Variants in GMPS observed in about 807,000 individuals in gnomAD.
GMPS encodes the protein GMP synthase [glutamine-hydrolyzing].
Under a neutral mutation model 77.9 loss-of-function variants are expected in GMPS, and 15 were observed. The ratio of observed to expected loss-of-function variants is 0.19; its 90% confidence interval spans 0.13 to 0.30. GMPS has a LOEUF of 0.30. GMPS is among the 10% of genes least tolerant of loss of function. The pLI, the probability that GMPS is intolerant of heterozygous loss-of-function variation, is 1.00. For synonymous variants in GMPS, 224 were observed against 275.9 expected, an observed-to-expected ratio of 0.81 and a Z score of 1.86; for missense variants, 590 against 838.8, an observed-to-expected ratio of 0.70 and a Z score of 3.66.
chr3:155,908,485 G>A (rs552788319), intron 5 of GMPS, among the ~76,000 whole-genome samples: 14 of 152,322 alleles, frequency 9.2e-5, no homozygotes, highest in African/African-American at 3.4e-4. Flanking sequence ...AAAAGAACCC[G>A]GTTTTTTCTA....
intron 1 of GMPS, among the ~76,000 whole-genome samples, chr3:155,880,167 T>A (rs1427994912): frequency 6.6e-6 from 1 of 152,194 alleles, no homozygotes; most frequent in East Asian, 1.9e-4. Context: ...TCACAAAGAT[T>A]TGTGTAATTA....
chr3:155,873,791 T>A (rs960931988), intron 1 of GMPS, among the ~76,000 whole-genome samples: 1 of 151,832 alleles, frequency 6.6e-6, no homozygotes, highest in Non-Finnish European at 1.5e-5. Context: ...CCCGCCACCA[T>A]GCCTAGCTAA....
At position 155,870,752 on chromosome 3, in the gene GMPS, C is replaced by A. The variant is rs1753884009; in HGVS notation, c.-119C>A. On this transcript the variant is annotated 5_prime_UTR_variant, in exon 1 of 16. Coordinates refer to ENST00000496455, the MANE Select transcript of GMPS (RefSeq NM_003875.3). ...CTGGCGGCTGGCTCCTCTCCGCTGC[C>A]GGCTGCTCCTCGACCAGGCCTCCTT... The A allele has an allele frequency of 6.0e-6, 4 of 664,202 alleles. No homozygotes were observed. The highest frequency in any genetic ancestry group is 1.0e-5 in the Non-Finnish European group (4 of 389,164). The allele number at this position is 664,202 out of a possible 1,614,324, so 41.1% of individuals were successfully genotyped here.
At chr3:155,906,017 G>T in intron 4 of GMPS, 143 bp from the exon 5 acceptor site, 1 of 461,422 alleles carries the variant, frequency 2.2e-6, no homozygotes, top group African/African-American at 2.0e-5. Flanking sequence ...CATAATATTT[G>T]AATTCTAGCA....
intron 11 of GMPS, among the ~76,000 whole-genome samples, chr3:155,923,828 TG>T (rs1755384299): frequency 6.6e-6 from 1 of 152,220 alleles, no homozygotes; most frequent in African/African-American, 2.4e-5. Flanking sequence ...AGATGGGACC[TG>T]GGCATTCCAA....
In GMPS at chr3:155,875,526, G is replaced by A. The variant is rs566292340; in HGVS notation, c.27+4629G>A. Among the ~76,000 whole-genome samples, 28 of 152,326 alleles carry A rather than the reference G, an allele frequency of 1.8e-4. 1 individual carries two copies. The South Asian group carries it at 3.1e-3, about 17-fold the overall frequency. ...ATGATAGGCGTGAGCCATTGTGTCC[G>A]GCCCTGGCCTTAAACTTTGTTTTTA... On this transcript the variant is annotated intron_variant, in intron 1 of 15. Transcript: ENST00000496455.
chr3:155,884,866 AT>A (rs1485564048), intron 1 of GMPS, among the ~76,000 whole-genome samples: 1 of 152,158 alleles, frequency 6.6e-6, no homozygotes, highest in African/African-American at 2.4e-5. Flanking sequence ...TAGTTCATTG[AT>A]TTAGATAGTA....
At chr3:155,919,860 A>G (rs574631762) in intron 10 of GMPS, among the ~76,000 whole-genome samples, 1 of 152,288 alleles carries the variant, frequency 6.6e-6, no homozygotes, top group South Asian at 2.1e-4. Flanking sequence ...ATAGAAAAAA[A>G]TTAGAGGTGA....
At chr3:155,869,985 C>T (rs922701026), upstream of GMPS, among the ~76,000 whole-genome samples, 7 of 152,160 alleles carry the variant, frequency 4.6e-5, no homozygotes, top group African/African-American at 1.7e-4. Context: ...CCAATAAAAA[C>T]ACTGTTGTGC....
chr3:155,899,482 C>G (rs1754682391), intron 3 of GMPS, among the ~76,000 whole-genome samples: 1 of 149,490 alleles, frequency 6.7e-6, no homozygotes, highest in Admixed American at 6.7e-5. Flanking sequence ...AGGTTCACAG[C>G]AAAATTAAGA....
At chr3:155,914,007 C>G (rs757568199) in intron 7 of GMPS, among the ~76,000 whole-genome samples, 12 of 151,824 alleles carry the variant, frequency 7.9e-5, no homozygotes, top group Non-Finnish European at 1.3e-4. Flanking sequence ...AGTGCAGTGG[C>G]ACAATCTCTG....
In GMPS at chr3:155,938,346, T is replaced by C; in HGVS notation, c.*654T>C. The C allele has an allele frequency of 4.6e-6, 1 of 216,322 alleles. No homozygotes were observed. The highest frequency in any genetic ancestry group is 9.3e-6 in the Non-Finnish European group (1 of 107,280). 13.4% of individuals were successfully genotyped at this position (216,322 alleles called of 1,614,324 possible). A position where few individuals can be genotyped will look rare whatever the true frequency, so the allele number is the denominator to read the frequency against. ...TGGTCTCAGATGTCTATGAATGGTC[T>C]TAAAATGTTTTCAAACCATGTTCCA... On this transcript the variant is annotated 3_prime_UTR_variant, in exon 16 of 16. Transcript: ENST00000496455.
chr3:155,896,245 G>A (rs530487726), intron 2 of GMPS, among the ~76,000 whole-genome samples: 3 of 151,942 alleles, frequency 2.0e-5, no homozygotes, highest in African/African-American at 4.8e-5. Context: ...TCCTGACCTC[G>A]TGATCCACGC....
Position 155,943,794 on chromosome 3 carries a change from G to A in GMPS, c.*6102G>A, listed in dbSNP as rs1395576685. The A allele has an allele frequency of 6.4e-6, 1 of 157,214 alleles. No individual in the cohort carries two copies. Among genetic ancestry groups the A allele is most frequent in the Non-Finnish European group, 1.4e-5 (1 of 71,032 alleles). The allele number at this position is 157,214 out of a possible 1,614,324, so 9.7% of individuals were successfully genotyped here. ...AAATTCCAAGAAGTAAGAGCCAAGA[G>A]GACAGATATTATCAGAATATGGGAC... is the stretch of plus-strand genomic sequence containing the variant. On this transcript the variant is annotated 3_prime_UTR_variant, in exon 16 of 16. Coordinates refer to ENST00000496455, the MANE Select transcript of GMPS (RefSeq NM_003875.3).
rs1309144116 is a variant in GMPS, at chr3:155,905,764, C to T, written c.423-396C>T. 2.6e-5 allele frequency among the ~76,000 whole-genome samples: 4 copies of T among 152,264 alleles called. No individual in the cohort carries two copies. In the East Asian group the frequency reaches 7.7e-4, roughly 29 times the overall value. ...AGGATAACAGTTTCAGTACTAAGTC[C>T]TATTACTACTTACATAAGACTACCG... On this transcript the variant is annotated intron_variant, in intron 4 of 15. Transcript: ENST00000496455.
At position 155,939,353 on chromosome 3, in the gene GMPS, GA is replaced by G. The variant is rs1174231343; in HGVS notation, c.*1669del. ...TGTCAGTACACGTTTATGTTTATAT[GA>G]AAAAAAATTTCTAGCCACAGTGTCT... On this transcript the variant is annotated 3_prime_UTR_variant, in exon 16 of 16. Transcript: ENST00000496455. 2.4e-5 allele frequency: 5 copies of G among 209,000 alleles called. No homozygotes were observed. Among genetic ancestry groups the G allele is most frequent in the East Asian group, 7.2e-5 (1 of 13,842 alleles). The allele number at this position is 209,000 out of a possible 1,614,324, so 12.9% of individuals were successfully genotyped here.
intron 10 of GMPS, among the ~76,000 whole-genome samples, chr3:155,920,292 G>A (rs896826687): frequency 1.3e-5 from 2 of 152,118 alleles, no homozygotes; most frequent in Non-Finnish European, 2.9e-5. Context: ...CCTATGTGGT[G>A]ATTAGCACTT....
intron 1 of GMPS, among the ~76,000 whole-genome samples, chr3:155,879,564 AC>A (rs1454215341): frequency 1.3e-5 from 2 of 151,832 alleles, no homozygotes; most frequent in Admixed American, 1.3e-4. Flanking sequence ...ACCACGCCTG[AC>A]CCACTTGTCT....
intron 13 of GMPS, among the ~76,000 whole-genome samples, chr3:155,933,003 G>A (rs1461304939): frequency 6.6e-6 from 1 of 152,008 alleles, no homozygotes. Context: ...ACCAGCCTGG[G>A]CAACATGGTG....
Sources: gnomAD v4.1 joint callset for allele counts (sites outside exome capture counted in the v4.1 genomes callset) on GRCh38, gnomAD v4.1.1 for gene constraint, MANE v1.5 for transcripts, NCBI Gene and HGNC (gene_info 2026-07-23, HGNC 2026-07-21) for gene names.